The following GRB14 variants were observed in gnomAD, a reference collection of about 807,000 sequenced individuals.
GRB14 encodes the protein growth factor receptor-bound protein 14.
In GRB14, 38 loss-of-function variants were observed where a neutral mutation model predicts 69.1. That is an observed-to-expected ratio of 0.55 (90% CI 0.42 to 0.72). The LOEUF (loss-of-function observed/expected upper bound fraction) is 0.72. Among genes scored for constraint, GRB14 ranks in the 30% least tolerant of loss-of-function variants. The pLI is 0.00. For synonymous variants in GRB14, 247 were observed against 241.3 expected (o/e 1.02, Z -0.22); for missense variants, 666 against 666.1 (o/e 1.00, Z 0.00).
At chr2:164,565,141 T>C (rs1291349976) in intron 2 of GRB14, among the ~76,000 whole-genome samples, 1 of 152,188 alleles carries the variant, frequency 6.6e-6, no homozygotes, top group African/African-American at 2.4e-5. Context: ...CATAAAAGAA[T>C]GTGAATTTTA....
intron 2 of GRB14, among the ~76,000 whole-genome samples, chr2:164,604,180 A>G (rs1689991544): frequency 6.6e-6 from 1 of 152,238 alleles, no homozygotes; most frequent in Non-Finnish European, 1.5e-5. Context: ...AATACCTAGT[A>G]GAACTGAACA....
chr2:164,618,651 T>C (rs995889237), intron 2 of GRB14, among the ~76,000 whole-genome samples: 1 of 152,204 alleles, frequency 6.6e-6, no homozygotes, highest in Non-Finnish European at 1.5e-5. Flanking sequence ...ATCAAACATA[T>C]TTCCTACTGT....
chr2:164,602,444 T>C (rs913225598), intron 2 of GRB14, among the ~76,000 whole-genome samples: 2 of 152,120 alleles, frequency 1.3e-5, no homozygotes, highest in Non-Finnish European at 2.9e-5. Context: ...GGAGACAATA[T>C]CCTGAAAAAA....
chr2:164,544,619 C>A lies in GRB14; in HGVS notation c.481+3041G>T, dbSNP rs147127179. On this transcript the variant is annotated intron_variant, in intron 3 of 13. Transcript: ENST00000263915. ...AAATATATGTTGAGCCTCTTCTGTC[C>A]TAGAAGATGAGGCAACAAGTCATAT... 1.7e-4 allele frequency among the ~76,000 whole-genome samples: 26 copies of A among 152,254 alleles called. No homozygotes were observed. The East Asian group carries it at 5.0e-3, about 29-fold the overall frequency.
intron 2 of GRB14, among the ~76,000 whole-genome samples, chr2:164,552,302 A>C (rs1175310058): frequency 2.0e-5 from 3 of 152,202 alleles, no homozygotes; most frequent in Non-Finnish European, 4.4e-5. Flanking sequence ...TCATTGTATC[A>C]CAGGAACCTA....
chr2:164,564,846 T>A (rs1161178967), intron 2 of GRB14, among the ~76,000 whole-genome samples: 1 of 152,094 alleles, frequency 6.6e-6, no homozygotes, highest in Non-Finnish European at 1.5e-5. Flanking sequence ...AAACCCCTTC[T>A]CTAGTAAAAA....
chr2:164,510,189 T>C (rs904304356), intron 6 of GRB14, among the ~76,000 whole-genome samples: 1 of 152,226 alleles, frequency 6.6e-6, no homozygotes, highest in Non-Finnish European at 1.5e-5. Flanking sequence ...TGTCCACTGA[T>C]GCTGTAGAAG....
chr2:164,584,147 ATTTTTTTTTTT>A lies in GRB14; in HGVS notation c.324+35529_324+35539del, dbSNP rs55883951. 1.4e-4 allele frequency among the ~76,000 whole-genome samples: 7 copies of A among 49,902 alleles called. No homozygotes were observed. In the South Asian group the frequency reaches 3.0e-3, roughly 21 times the overall value. 32.7% of individuals were successfully genotyped at this position (49,902 alleles called of 152,430 possible). ...ATAGGCATCCACCACCAGCCTGGCT[ATTTTTTTTTTT>A]TTTTTTTTTTTTTTTTTTTGTATTT... On this transcript the variant is annotated intron_variant, in intron 2 of 13. Coordinates refer to ENST00000263915, the MANE Select transcript of GRB14 (RefSeq NM_004490.3).
chr2:164,537,097 G>A (rs1688099877), intron 3 of GRB14, among the ~76,000 whole-genome samples: 1 of 152,048 alleles, frequency 6.6e-6, no homozygotes, highest in African/African-American at 2.4e-5. Flanking sequence ...TGTGTCTCCC[G>A]GCCTGCTGTC....
rs532144494 is a variant in GRB14 at position 164,517,529 on chromosome 2, A to G, written c.816+4451T>C. ...ACCTCACATCTCAATACTAACATTG[A>G]CTGTAAATGGCCTAAATGTTCCACT... On this transcript the variant is annotated intron_variant, in intron 6 of 13. Transcript: ENST00000263915. Among the ~76,000 whole-genome samples, 39 of 152,318 alleles carry G rather than the reference A, an allele frequency of 2.6e-4. 2 individuals are homozygous for G. In the South Asian group the frequency reaches 5.6e-3, roughly 22 times the overall value.
At chr2:164,603,277 ATGGATGGTCAT>A (rs1464939757) in intron 2 of GRB14, among the ~76,000 whole-genome samples, 1 of 152,216 alleles carries the variant, frequency 6.6e-6, no homozygotes, top group East Asian at 1.9e-4. Flanking sequence ...GCTAGTATGA[ATGGATGGTCAT>A]TGGATAAAAA....
At chr2:164,583,701 A>G (rs1395529073) in intron 2 of GRB14, among the ~76,000 whole-genome samples, 1 of 152,222 alleles carries the variant, frequency 6.6e-6, no homozygotes, top group African/African-American at 2.4e-5. Flanking sequence ...CAAAAATAAG[A>G]AACATAAAAC....
chr2:164,493,215 GGATAA>G, intron 13 of GRB14, 33 bp from the exon 14 acceptor site: 1 of 1,593,298 alleles, frequency 6.3e-7, no homozygotes, highest in South Asian at 1.1e-5. Context: ...TAAGTAAAGA[GGATAA>G]ATTACACAGA....
chr2:164,566,877 G>C (rs1434107057), intron 2 of GRB14, among the ~76,000 whole-genome samples: 1 of 152,082 alleles, frequency 6.6e-6, no homozygotes, highest in Non-Finnish European at 1.5e-5. Context: ...GACTCCAAGA[G>C]TTTACTGGAT....
At chr2:164,565,539 G>A (rs1017117907) in intron 2 of GRB14, among the ~76,000 whole-genome samples, 18 of 152,246 alleles carry the variant, frequency 1.2e-4, no homozygotes, top group Non-Finnish European at 2.6e-4. Context: ...CTCTGCCACT[G>A]ACCTTCTGGG....
chr2:164,537,283 ACT>A, intron 3 of GRB14, among the ~76,000 whole-genome samples: 1 of 152,132 alleles, frequency 6.6e-6, no homozygotes, highest in African/African-American at 2.4e-5. Context: ...CTGGGGTTTT[ACT>A]TTCCTGACAT....
chr2:164,567,756 C>T (rs1291694519), intron 2 of GRB14, among the ~76,000 whole-genome samples: 2 of 152,092 alleles, frequency 1.3e-5, no homozygotes, highest in South Asian at 2.1e-4. Context: ...TAATAATTAA[C>T]AGAAAGCCCT....
intron 2 of GRB14, among the ~76,000 whole-genome samples, chr2:164,593,509 T>A (rs1689715188): frequency 1.3e-5 from 2 of 152,148 alleles, no homozygotes; most frequent in South Asian, 4.1e-4. Context: ...GTAAACTTAA[T>A]ATAAAGGCAT....
At chr2:164,556,842 T>A (rs1449231210) in intron 2 of GRB14, among the ~76,000 whole-genome samples, 2 of 152,118 alleles carry the variant, frequency 1.3e-5, no homozygotes, top group Non-Finnish European at 2.9e-5. Flanking sequence ...TCCCCAGCAG[T>A]GAGCAAAATG....
Sources: allele counts gnomAD v4.1 joint callset (sites outside exome capture counted in the v4.1 genomes callset), GRCh38; gene constraint gnomAD v4.1.1; transcripts MANE v1.5; gene names NCBI Gene and HGNC (gene_info 2026-07-23, HGNC 2026-07-21).